NKD1: variants seen among roughly 807,000 people sequenced by gnomAD.
NKD1 encodes NKD inhibitor of Wnt signaling pathway 1.
A neutral mutation model predicts 56.0 loss-of-function variants in NKD1; 21 were observed. The observed-to-expected ratio is 0.38, with a 90% CI of 0.27 to 0.54. The LOEUF is 0.54. Among genes scored for constraint, NKD1 ranks in the 20% least tolerant of loss-of-function variants. The probability of loss-of-function intolerance (pLI) is 0.82; values close to 1 mark genes in which losing one functional copy is unlikely to be tolerated. For synonymous variants in NKD1, 263 were observed against 265.7 expected, an observed-to-expected ratio of 0.99 and a Z score of 0.10; for missense variants, 578 against 642.7, an observed-to-expected ratio of 0.90 and a Z score of 1.09.
chr16:50,617,277 C>T (rs1282031718), intron 4 of NKD1, among the ~76,000 whole-genome samples: 1 of 152,198 alleles, frequency 6.6e-6, no homozygotes, highest in Non-Finnish European at 1.5e-5. Flanking sequence ...TTCGCTCTCT[C>T]TTCCTCCCCA....
At chr16:50,624,050 G>A (rs1962155521) in intron 5 of NKD1, among the ~76,000 whole-genome samples, 2 of 152,066 alleles carry the variant, frequency 1.3e-5, no homozygotes, top group Admixed American at 6.5e-5. Flanking sequence ...TCAGGACGCC[G>A]TGCTGGGGCT....
intron 3 of NKD1, among the ~76,000 whole-genome samples, chr16:50,583,818 T>G (rs948746530): frequency 5.3e-5 from 8 of 152,212 alleles, no homozygotes; most frequent in African/African-American, 1.9e-4. Flanking sequence ...GAGTTGTGAC[T>G]CCTGATGTGG....
chr16:50,625,376 C>A, intron 5 of NKD1, 109 bp from the exon 6 acceptor site: 2 of 764,088 alleles, frequency 2.6e-6, no homozygotes, highest in Non-Finnish European at 2.3e-6. Flanking sequence ...CTGGGGAGGG[C>A]AGAGGACAGG....
In NKD1 at chr16:50,633,046, T is replaced by A. The variant is rs1468552614; in HGVS notation, c.824-146T>A. ...ATGGGAAAGTTCCATTTCAGAGAGTTTTCCTGCAAGGCAGTGAGGGGCAGT... is the reference window on the plus strand; with the variant it reads ...ATGGGAAAGTTCCATTTCAGAGAGTATTCCTGCAAGGCAGTGAGGGGCAGT... On this transcript the variant is annotated intron_variant, in intron 9 of 9. Coordinates refer to ENST00000268459, the MANE Select transcript of NKD1 (RefSeq NM_033119.5). This position sits in a 1 kb window ranked among gnomAD's most constrained non-coding sequence, Gnocchi z 4.9. 2 of 665,830 alleles carry A rather than the reference T, an allele frequency of 3.0e-6. No homozygotes were observed. The highest frequency in any genetic ancestry group is 4.8e-6 in the Non-Finnish European group (2 of 415,394). 41.2% of individuals were successfully genotyped at this position (665,830 alleles called of 1,614,324 possible). A position where few individuals can be genotyped will look rare whatever the true frequency, so the allele number is the denominator to read the frequency against.
At chr16:50,551,257 A>G (rs1960377940) in intron 3 of NKD1, among the ~76,000 whole-genome samples, 1 of 152,130 alleles carries the variant, frequency 6.6e-6, no homozygotes, top group South Asian at 2.1e-4. Context: ...AGGGGGCCCC[A>G]GCTTAAGTCT....
At chr16:50,593,925 G>C (rs969494950) in intron 3 of NKD1, among the ~76,000 whole-genome samples, 4 of 152,148 alleles carry the variant, frequency 2.6e-5, no homozygotes, top group African/African-American at 9.7e-5. Flanking sequence ...AAGGAGGAAG[G>C]GGGCGCTGGA....
Position 50,632,858 on chromosome 16 carries a change from A to G in NKD1, c.824-334A>G, listed in dbSNP as rs971870787. The stretch of plus-strand genomic sequence containing the variant: ...TTCTCTTCATATGTTTAATTCCTCT[A>G]TGAGTTACTTCTGTATGTTTTTAGC... On this transcript the variant is annotated intron_variant, in intron 9 of 9. Transcript: ENST00000268459. This position sits in a 1 kb window ranked among gnomAD's most constrained non-coding sequence, Gnocchi z 4.1. 2.0e-5 allele frequency among the ~76,000 whole-genome samples: 3 copies of G among 151,894 alleles called. No individual in the cohort carries two copies. The highest frequency in any genetic ancestry group is 2.1e-4 in the South Asian group (1 of 4,808).
At chr16:50,616,053 T>TTGA (rs1204137528) in intron 4 of NKD1, 1 of 455,698 alleles carries the variant, frequency 2.2e-6, no homozygotes, top group Admixed American at 2.3e-5. Context: ...GAACAGCTGC[T>TTGA]GTCAGAAGGT....
At chr16:50,592,399 G>A (rs1453734278) in intron 3 of NKD1, among the ~76,000 whole-genome samples, 1 of 152,220 alleles carries the variant, frequency 6.6e-6, no homozygotes, top group Non-Finnish European at 1.5e-5. Context: ...TCCCTGCCTG[G>A]CATCGCAGCC....
intron 8 of NKD1, among the ~76,000 whole-genome samples, chr16:50,631,245 A>T (rs532002437): frequency 6.6e-6 from 1 of 152,118 alleles, no homozygotes; most frequent in East Asian, 1.9e-4. Flanking sequence ...GACCGTAAAC[A>T]CCTTCCCATC....
Position 50,559,398 on chromosome 16 carries a change from A to G in NKD1, c.192+9843A>G, listed in dbSNP as rs144219271. On this transcript the variant is annotated intron_variant, in intron 3 of 9. Transcript: ENST00000268459. Reference sequence around the variant, plus strand: ...AAGACCCAAAGAATAAATAGGAAATAGCTAGGTGGGGAAAGGTTTATTAAA... The same window carrying G: ...AAGACCCAAAGAATAAATAGGAAATGGCTAGGTGGGGAAAGGTTTATTAAA... Among the ~76,000 whole-genome samples the G allele has an allele frequency of 6.6e-5, 10 of 152,260 alleles. No individual in the cohort carries two copies. The East Asian group carries it at 1.7e-3, about 26-fold the overall frequency.
rs115979063 is a variant in NKD1, at chr16:50,632,316, G to A, written c.731G>A (p.Cys244Tyr). The change falls in exon 9 of 10, where the codon TGC (cysteine) becomes TAC (tyrosine). Residue 244 changes from cysteine (C) to tyrosine (Y), a missense_variant. By Grantham distance (194) the Cys-to-Tyr change is radical (BLOSUM62 -2). Transcript: ENST00000268459. The surrounding 1 kb of genome is among the most constrained non-coding windows in gnomAD (Gnocchi z 4.1). The stretch of plus-strand genomic sequence containing the variant: ...GACAGCCGCCTGGAGCAGTCTGGCT[G>A]CTACCACCATTGCGTAGATGAGAAC... ...QGDSRLEQSG[C>Y]YHHCVDENIE... The A allele has an allele frequency of 4.2e-5, 67 of 1,614,030 alleles. No individual in the cohort carries two copies. In the East Asian group the frequency reaches 1.1e-3, roughly 27 times the overall value.
At chr16:50,619,350 G>T (rs1343556344) in intron 4 of NKD1, among the ~76,000 whole-genome samples, 1 of 152,126 alleles carries the variant, frequency 6.6e-6, no homozygotes, top group Non-Finnish European at 1.5e-5. Context: ...GCCAGCATTT[G>T]TTGAGCACTT....
chr16:50,592,136 C>T (rs1033182217), intron 3 of NKD1, among the ~76,000 whole-genome samples: 1 of 152,214 alleles, frequency 6.6e-6, no homozygotes, highest in Non-Finnish European at 1.5e-5. Context: ...GAGCAGGGGC[C>T]AGGGCTGGAT....
chr16:50,558,982 G>A (rs573541387), intron 3 of NKD1, among the ~76,000 whole-genome samples: 3 of 152,290 alleles, frequency 2.0e-5, no homozygotes, highest in Non-Finnish European at 4.4e-5. Context: ...AGACCAGCAT[G>A]TGCCCATAGA....
chr16:50,611,436 AG>A (rs1285757907), intron 4 of NKD1, among the ~76,000 whole-genome samples: 1 of 152,232 alleles, frequency 6.6e-6, no homozygotes, highest in Non-Finnish European at 1.5e-5. Context: ...GACCAGGCCC[AG>A]GCCTCCCAGC....
chr16:50,630,070 T>C (rs966629704), intron 6 of NKD1, 116 bp from the exon 7 acceptor site: 5 of 894,764 alleles, frequency 5.6e-6, no homozygotes, highest in Admixed American at 2.4e-5. Flanking sequence ...GCCTTAGATC[T>C]GCTTTGGGGC....
At chr16:50,568,705 A>C (rs1960817799) in intron 3 of NKD1, among the ~76,000 whole-genome samples, 1 of 152,088 alleles carries the variant, frequency 6.6e-6, no homozygotes, top group South Asian at 2.1e-4. Context: ...TATGGGCCTC[A>C]TTCTTTGAGC....
chr16:50,615,483 A>G (rs1402337172), intron 4 of NKD1, among the ~76,000 whole-genome samples: 1 of 152,140 alleles, frequency 6.6e-6, no homozygotes, highest in African/African-American at 2.4e-5. Context: ...TGCTCAGAGG[A>G]AGGGAGGCTT....
Sources: gnomAD v4.1 joint callset for allele counts (sites outside exome capture counted in the v4.1 genomes callset) on GRCh38, gnomAD v4.1.1 for gene constraint, Gnocchi (gnomAD v3.1) non-coding constraint, MANE v1.5 for transcripts, NCBI Gene and HGNC (gene_info 2026-07-23, HGNC 2026-07-21) for gene names.